Variants in WDPCP observed in about 807,000 individuals in gnomAD.
The protein encoded by WDPCP is WD repeat containing planar cell polarity effector, also known as WD repeat-containing and planar cell polarity effector protein fritz homolog.
A neutral mutation model predicts 93.1 loss-of-function variants in WDPCP; 71 were observed. The observed-to-expected ratio is 0.76, with a 90% CI of 0.63 to 0.93. WDPCP has a LOEUF of 0.93. WDPCP is among the 40% of genes least tolerant of loss of function. WDPCP has a pLI of 0.00. For synonymous variants in WDPCP, 315 were observed against 315.0 expected (o/e 1.00, Z 0.00); for missense variants, 844 against 887.4 (o/e 0.95, Z 0.62).
chr2:63,594,754 G>A (rs1324926535), intron 3 of WDPCP: 11 of 550,736 alleles, frequency 2.0e-5, no homozygotes, highest in South Asian at 6.6e-5. Flanking sequence ...TTATATGTAC[G>A]CCTCCAGGCA....
chr2:63,227,982 G>A (rs1049787897), intron 14 of WDPCP, among the ~76,000 whole-genome samples: 5 of 152,062 alleles, frequency 3.3e-5, no homozygotes, highest in African/African-American at 7.2e-5. Context: ...TTGTTGAGAA[G>A]AGTCTTTCTT....
chr2:63,580,432 A>G (rs1303194092), intron 1 of WDPCP, among the ~76,000 whole-genome samples: 1 of 152,216 alleles, frequency 6.6e-6, no homozygotes, highest in African/African-American at 2.4e-5. Flanking sequence ...TACCTTAACC[A>G]AATGATTAAA....
chr2:63,604,803 G>T, intron 3 of WDPCP: 2 of 1,614,174 alleles, frequency 1.2e-6, no homozygotes, highest in Non-Finnish European at 1.7e-6. Flanking sequence ...AGGTGAAATT[G>T]CAAGGAAAGG....
At chr2:63,385,717 T>C (rs901633769) in intron 10 of WDPCP, among the ~76,000 whole-genome samples, 7 of 151,888 alleles carry the variant, frequency 4.6e-5, no homozygotes, top group Non-Finnish European at 8.8e-5. Flanking sequence ...CAACACAATC[T>C]CAGTCAAAAT....
rs150827789 is a variant in WDPCP, at chr2:63,139,437, C to T, written c.2190+13477G>A. On this transcript the variant is annotated intron_variant, in intron 17 of 17. Transcript: ENST00000272321. ...GTGGCTGTATGAGTTTACATTCCCA[C>T]CAGCAGTGTAGAAGTGTTCCCTGTT... Among the ~76,000 whole-genome samples, 419 of 152,296 alleles carry T rather than the reference C, an allele frequency of 2.8e-3. 1 individual carries two copies. Among genetic ancestry groups the T allele is most frequent in the Non-Finnish European group, 4.2e-3 (288 of 68,016 alleles).
intron 1 of WDPCP, among the ~76,000 whole-genome samples, chr2:63,523,358 TG>T (rs1703084411): frequency 6.6e-6 from 1 of 152,140 alleles, no homozygotes; most frequent in South Asian, 2.1e-4. Flanking sequence ...TCATACTGAA[TG>T]GGCAAAAGCT....
intron 3 of WDPCP, among the ~76,000 whole-genome samples, chr2:63,648,694 G>A (rs565725535): frequency 8.5e-5 from 13 of 152,190 alleles, no homozygotes; most frequent in South Asian, 4.1e-4. Flanking sequence ...TTTGTTGCAC[G>A]AATAAGTAGT....
chr2:63,423,997 A>T (rs1696061657), intron 9 of WDPCP, among the ~76,000 whole-genome samples: 1 of 152,084 alleles, frequency 6.6e-6, no homozygotes, highest in Non-Finnish European at 1.5e-5. Flanking sequence ...GAAGCTGAAG[A>T]TGGAAGAAAC....
chr2:63,374,495 C>A (rs1691678497), intron 12 of WDPCP, among the ~76,000 whole-genome samples: 1 of 152,024 alleles, frequency 6.6e-6, no homozygotes, highest in African/African-American at 2.4e-5. Flanking sequence ...TATTCATGTT[C>A]TTTAAAATGA....
At chr2:63,486,443 T>C (rs1700578989) in intron 4 of WDPCP, 99 bp downstream of exon 4, 2 of 1,096,368 alleles carry the variant, frequency 1.8e-6, no homozygotes, top group African/African-American at 1.6e-5. Context: ...TTTAAAAAAT[T>C]TGGAGGGAAT....
chr2:63,787,241 GC>G (rs1670480841), intron 2 of WDPCP, among the ~76,000 whole-genome samples: 1 of 152,224 alleles, frequency 6.6e-6, no homozygotes, highest in African/African-American at 2.4e-5. Context: ...CTGGAGATGG[GC>G]CCCTGTGGGG....
intron 2 of WDPCP, among the ~76,000 whole-genome samples, chr2:63,767,250 A>G (rs1173723480): frequency 6.6e-6 from 1 of 152,122 alleles, no homozygotes; most frequent in African/African-American, 2.4e-5. Flanking sequence ...TTCATTGTAC[A>G]TGGACATTTG....
intron 3 of WDPCP, chr2:63,605,712 G>A: frequency 1.7e-6 from 1 of 595,228 alleles, no homozygotes; most frequent in Non-Finnish European, 3.0e-6. Context: ...TCTGTAAAAT[G>A]AGGATTAGGT....
intron 12 of WDPCP, among the ~76,000 whole-genome samples, chr2:63,370,596 C>T (rs1410335480): frequency 6.6e-6 from 1 of 151,892 alleles, no homozygotes; most frequent in Non-Finnish European, 1.5e-5. Context: ...AAGAATTGTG[C>T]GAATATAGCA....
intron 14 of WDPCP, among the ~76,000 whole-genome samples, chr2:63,197,549 G>C (rs10203845): frequency 0.018 from 2,719 of 152,272 alleles, 90 homozygotes; most frequent in African/African-American, 0.062. Context: ...CTTTGGCCTA[G>C]AAAGCCTACC....
intron 6 of WDPCP, among the ~76,000 whole-genome samples, chr2:63,477,472 T>C (rs565335824): frequency 6.6e-6 from 1 of 152,180 alleles, no homozygotes; most frequent in South Asian, 2.1e-4. Context: ...AACATATGTA[T>C]AGGTAAGTCT....
chr2:63,351,046 A>T (rs142316908), intron 12 of WDPCP, among the ~76,000 whole-genome samples: 116 of 151,962 alleles, frequency 7.6e-4, no homozygotes, highest in Non-Finnish European at 1.4e-3. Context: ...CAATGGCTCA[A>T]TCTTAGCTCA....
At chr2:63,711,323 T>C (rs1026278849) in intron 2 of WDPCP, among the ~76,000 whole-genome samples, 1 of 152,144 alleles carries the variant, frequency 6.6e-6, no homozygotes, top group African/African-American at 2.4e-5. Flanking sequence ...GTTTCACATA[T>C]AGTTGAAACC....
chr2:63,197,320 A>G (rs1212031846), intron 14 of WDPCP, among the ~76,000 whole-genome samples: 1 of 152,194 alleles, frequency 6.6e-6, no homozygotes, highest in African/African-American at 2.4e-5. Flanking sequence ...TATATAATAT[A>G]ACATAAAACA....
Sources: gnomAD v4.1 joint callset for allele counts (sites outside exome capture counted in the v4.1 genomes callset) on GRCh38, gnomAD v4.1.1 for gene constraint, MANE v1.5 for transcripts, NCBI Gene and HGNC (gene_info 2026-07-23, HGNC 2026-07-21) for gene names.